Variants in LRRC8D observed in about 807,000 individuals in gnomAD.
LRRC8D encodes the protein volume-regulated anion channel subunit LRRC8D.
LRRC8D carries 20 observed loss-of-function variants against 55.8 expected under a neutral mutation model. That is an observed-to-expected ratio of 0.36 (90% CI 0.25 to 0.52). LRRC8D has a LOEUF of 0.52. LRRC8D is among the 20% of genes least tolerant of loss of function. The pLI is 0.93. For synonymous variants in LRRC8D, 352 were observed against 377.0 expected, an observed-to-expected ratio of 0.93 and a Z score of 0.77; for missense variants, 651 against 1,030.8, an observed-to-expected ratio of 0.63 and a Z score of 5.05.
At chr1:89,920,294 G>A (rs1005159786) in intron 2 of LRRC8D, among the ~76,000 whole-genome samples, 16 of 152,156 alleles carry the variant, frequency 1.1e-4, no homozygotes, top group African/African-American at 3.9e-4. Context: ...CATGTAATTT[G>A]TGTAAAGTTC....
chr1:89,882,992 A>C (rs1279191009), intron 2 of LRRC8D, among the ~76,000 whole-genome samples: 1 of 152,162 alleles, frequency 6.6e-6, no homozygotes, highest in Non-Finnish European at 1.5e-5. Flanking sequence ...ACTGCCAGTC[A>C]AGGGAGTTTA....
At chr1:89,856,370 A>G (rs1248405093) in intron 2 of LRRC8D, among the ~76,000 whole-genome samples, 6 of 152,190 alleles carry the variant, frequency 3.9e-5, no homozygotes, top group Non-Finnish European at 8.8e-5. Flanking sequence ...GGATAACAGC[A>G]TTTATTAATA....
chr1:89,843,601 C>A (rs1661193345), intron 1 of LRRC8D, 37 bp from the exon 2 acceptor site: 1 of 692,474 alleles, frequency 1.4e-6, no homozygotes, highest in Non-Finnish European at 2.6e-6. Flanking sequence ...ACACTTGGAT[C>A]TCTCTAGCTC....
At chr1:89,926,799 A>G (rs550347124) in intron 2 of LRRC8D, among the ~76,000 whole-genome samples, 5 of 152,380 alleles carry the variant, frequency 3.3e-5, no homozygotes, top group African/African-American at 1.2e-4. Context: ...AACATGAGAA[A>G]TAAAGAAGAA....
intron 2 of LRRC8D, among the ~76,000 whole-genome samples, chr1:89,915,179 A>G (rs1043962809): frequency 1.3e-5 from 2 of 152,206 alleles, no homozygotes; most frequent in Non-Finnish European, 2.9e-5. Context: ...TGGGCAAGAT[A>G]CTTTGTTGCC....
chr1:89,829,021 G>T (rs1660827958), intron 1 of LRRC8D, among the ~76,000 whole-genome samples: 1 of 152,138 alleles, frequency 6.6e-6, no homozygotes. Context: ...TTCAGATTGG[G>T]TATTAGATGC....
intron 2 of LRRC8D, among the ~76,000 whole-genome samples, chr1:89,845,585 C>A (rs141682732): frequency 6.6e-6 from 1 of 152,000 alleles, no homozygotes; most frequent in East Asian, 1.9e-4. Flanking sequence ...TACAGGTGCA[C>A]GCCACCACAC....
At chr1:89,925,017 G>A (rs1663522086) in intron 2 of LRRC8D, among the ~76,000 whole-genome samples, 2 of 152,182 alleles carry the variant, frequency 1.3e-5, no homozygotes, top group South Asian at 4.1e-4. Context: ...ACGGACTGCT[G>A]CTGATTCATG....
intron 1 of LRRC8D, among the ~76,000 whole-genome samples, chr1:89,825,082 T>A (rs1338247266): frequency 6.6e-6 from 1 of 152,242 alleles, no homozygotes; most frequent in African/African-American, 2.4e-5. Context: ...CCTATTTATT[T>A]TGATCCAGTC....
rs1663544969 is a variant in LRRC8D, at chr1:89,925,750, C to A, written c.-2-7317C>A. 1.3e-5 allele frequency among the ~76,000 whole-genome samples: 2 copies of A among 152,150 alleles called. 1 individual carries two copies. The highest frequency in any genetic ancestry group is 6.8e-3 in the Middle Eastern group (2 of 294). On this transcript the variant is annotated intron_variant, in intron 2 of 2. Coordinates refer to ENST00000337338, the MANE Select transcript of LRRC8D (RefSeq NM_001134479.2). The stretch of plus-strand genomic sequence containing the variant: ...TTAATTCAGTCGATGGTTGAAATAC[C>A]CCCCTGGTAGGAAGGGCATATGTCA...
intron 2 of LRRC8D, among the ~76,000 whole-genome samples, chr1:89,872,369 G>A (rs1334802361): frequency 6.6e-6 from 1 of 152,212 alleles, no homozygotes; most frequent in Non-Finnish European, 1.5e-5. Flanking sequence ...AAACTGCCCA[G>A]TGGGGTGGAA....
chr1:89,891,468 T>G (rs1391303950), intron 2 of LRRC8D, among the ~76,000 whole-genome samples: 1 of 152,218 alleles, frequency 6.6e-6, no homozygotes, highest in Non-Finnish European at 1.5e-5. Context: ...ATAAATATCT[T>G]GTGGAGAGAT....
chr1:89,892,309 C>T (rs1345427571), intron 2 of LRRC8D, among the ~76,000 whole-genome samples: 1 of 152,160 alleles, frequency 6.6e-6, no homozygotes, highest in Non-Finnish European at 1.5e-5. Context: ...GCCTTTTCAA[C>T]CTATGGAGAT....
intron 2 of LRRC8D, among the ~76,000 whole-genome samples, chr1:89,886,329 TG>T (rs1324696235): frequency 2.0e-5 from 3 of 152,174 alleles, no homozygotes; most frequent in Non-Finnish European, 2.9e-5. Context: ...TCTTAAGGGA[TG>T]GAAGTTACAT....
chr1:89,932,837 A>G (rs976494593), intron 2 of LRRC8D, among the ~76,000 whole-genome samples: 1 of 152,208 alleles, frequency 6.6e-6, no homozygotes, highest in Non-Finnish European at 1.5e-5. Flanking sequence ...GCAGTCTGTC[A>G]TAATTTCTTA....
At chr1:89,906,651 C>A (rs945413925) in intron 2 of LRRC8D, among the ~76,000 whole-genome samples, 9 of 152,114 alleles carry the variant, frequency 5.9e-5, no homozygotes, top group African/African-American at 2.2e-4. Flanking sequence ...GGCTGGCATT[C>A]TTTGGAAAAA....
intron 2 of LRRC8D, among the ~76,000 whole-genome samples, chr1:89,874,361 TATA>T (rs1185638569): frequency 2.0e-5 from 3 of 152,130 alleles, no homozygotes; most frequent in South Asian, 2.1e-4. Context: ...TTTTCTCATC[TATA>T]ATGAGATGGA....
chr1:89,875,145 C>A (rs373407563), intron 2 of LRRC8D, among the ~76,000 whole-genome samples: 31 of 152,052 alleles, frequency 2.0e-4, no homozygotes, highest in Non-Finnish European at 3.4e-4. Flanking sequence ...TTAAGTAGCC[C>A]GGTAGAATCT....
chr1:89,879,289 T>G lies in LRRC8D; in HGVS notation c.-3+35507T>G, dbSNP rs1412008869. 2.0e-5 allele frequency among the ~76,000 whole-genome samples: 3 copies of G among 152,240 alleles called. No homozygotes were observed. The East Asian group carries it at 5.8e-4, about 29-fold the overall frequency. ...TTGCAATTTAGAAGGTGGTTCCAAT[T>G]ATCAATTTCCTGGGGGTATAAACCT... On this transcript the variant is annotated intron_variant, in intron 2 of 2. Coordinates refer to ENST00000337338, the MANE Select transcript of LRRC8D (RefSeq NM_001134479.2).
Sources: gnomAD v4.1 joint callset for allele counts (sites outside exome capture counted in the v4.1 genomes callset) on GRCh38, gnomAD v4.1.1 for gene constraint, MANE v1.5 for transcripts, NCBI Gene and HGNC (gene_info 2026-07-23, HGNC 2026-07-21) for gene names.